FNIP1: variants seen among roughly 807,000 people sequenced by gnomAD.
FNIP1 encodes folliculin-interacting protein 1.
FNIP1 carries 40 observed loss-of-function variants against 124.5 expected under a neutral mutation model. The observed-to-expected ratio is 0.32, with a 90% confidence interval of 0.25 to 0.42. The LOEUF (loss-of-function observed/expected upper bound fraction) is 0.42, where lower values mean the gene tolerates loss of function less well. FNIP1 is among the 10% of genes least tolerant of loss of function. The probability of loss-of-function intolerance (pLI) is 1.00; values close to 1 mark genes in which losing one functional copy is unlikely to be tolerated. For synonymous variants in FNIP1, 472 were observed against 470.6 expected, an observed-to-expected ratio of 1.00 and a Z score of -0.04; for missense variants, 1,176 against 1,403.7, an observed-to-expected ratio of 0.84 and a Z score of 2.59.
chr5:131,775,699 T>C lies in FNIP1; in HGVS notation c.92+21131A>G, dbSNP rs913525777. On this transcript the variant is annotated intron_variant, in intron 1 of 17. Coordinates refer to ENST00000510461, the MANE Select transcript of FNIP1 (RefSeq NM_133372.3). ...TCCGCCACCACGTCCGGCTAATTTT[T>C]GTATTTTTAGTAGAGACGGGGTTTC... 1.5e-4 allele frequency among the ~76,000 whole-genome samples: 23 copies of C among 151,928 alleles called. 1 individual carries two copies. The highest frequency in any genetic ancestry group is 1.8e-4 in the Non-Finnish European group (12 of 67,948).
chr5:131,793,592 T>C (rs1000410479), intron 1 of FNIP1, among the ~76,000 whole-genome samples: 1 of 152,160 alleles, frequency 6.6e-6, no homozygotes, highest in African/African-American at 2.4e-5. Flanking sequence ...GTAAGAGACC[T>C]TAGAGTGAAG....
At chr5:131,652,678 G>A (rs1767075811) in intron 15 of FNIP1, among the ~76,000 whole-genome samples, 1 of 152,136 alleles carries the variant, frequency 6.6e-6, no homozygotes, top group Non-Finnish European at 1.5e-5. Flanking sequence ...GGACAGGACA[G>A]GACAGATGAC....
chr5:131,653,352 A>G lies in FNIP1; in HGVS notation c.3109-1353T>C, dbSNP rs373370124. Among the ~76,000 whole-genome samples the G allele has an allele frequency of 9.2e-5, 14 of 152,276 alleles. 1 individual carries two copies. The East Asian group carries it at 1.7e-3, about 19-fold the overall frequency. ...CAGGAGTTTGAGACCAACCTGGCCAATATGGTGAAACCCCAACTCTACTAA... is the reference window on the plus strand; with the variant it reads ...CAGGAGTTTGAGACCAACCTGGCCAGTATGGTGAAACCCCAACTCTACTAA... On this transcript the variant is annotated intron_variant, in intron 15 of 17. Transcript: ENST00000510461.
At chr5:131,654,455 C>T (rs1012195475) in intron 15 of FNIP1, among the ~76,000 whole-genome samples, 2 of 152,210 alleles carry the variant, frequency 1.3e-5, no homozygotes, top group Admixed American at 1.3e-4. Context: ...CCAGGTTTGG[C>T]ATCCTCAAAT....
At chr5:131,647,445 C>G (rs1766920904) in intron 16 of FNIP1, among the ~76,000 whole-genome samples, 1 of 145,096 alleles carries the variant, frequency 6.9e-6, no homozygotes, top group Non-Finnish European at 1.5e-5. Flanking sequence ...TGCAAAAATA[C>G]ACATACAATT....
In FNIP1 at chr5:131,733,277, G is replaced by C. The variant is rs149184243; in HGVS notation, c.220-2239C>G. On this transcript the variant is annotated intron_variant, in intron 2 of 17. Transcript: ENST00000510461. ...TACACAATCATGTCATCTGCAAACA[G>C]GGACAATTTAACTTCCTCTTTTCCT... 3.2e-3 allele frequency among the ~76,000 whole-genome samples: 481 copies of C among 152,260 alleles called. 3 individuals carry two copies. The highest frequency in any genetic ancestry group is 0.011 in the African/African-American group (458 of 41,546).
chr5:131,689,717 A>G (rs1768409823), intron 11 of FNIP1, among the ~76,000 whole-genome samples: 1 of 152,216 alleles, frequency 6.6e-6, no homozygotes, highest in Non-Finnish European at 1.5e-5. Context: ...TTAACTGCTT[A>G]AAACCAGAGA....
At chr5:131,759,583 A>C (rs1365941996) in intron 1 of FNIP1, among the ~76,000 whole-genome samples, 1 of 152,198 alleles carries the variant, frequency 6.6e-6, no homozygotes, top group Non-Finnish European at 1.5e-5. Context: ...TTTTATTAAA[A>C]AGTCAAAAAA....
intron 15 of FNIP1, among the ~76,000 whole-genome samples, chr5:131,657,227 C>T (rs1313271432): frequency 1.3e-5 from 2 of 152,048 alleles, no homozygotes; most frequent in Non-Finnish European, 2.9e-5. Flanking sequence ...TGGTCTCGAA[C>T]TCCTGACCTC....
intron 15 of FNIP1, among the ~76,000 whole-genome samples, chr5:131,668,305 T>G (rs546218421): frequency 6.6e-6 from 1 of 152,320 alleles, no homozygotes; most frequent in African/African-American, 2.4e-5. Context: ...ACAGCATACT[T>G]CTAAATAACT....
intron 16 of FNIP1, among the ~76,000 whole-genome samples, chr5:131,649,547 G>A (rs1766985468): frequency 6.6e-6 from 1 of 151,954 alleles, no homozygotes; most frequent in Non-Finnish European, 1.5e-5. Context: ...TATATATTCT[G>A]AGTATCAATC....
rs1769256345 is a variant in FNIP1 at position 131,710,637 on chromosome 5, C to G, written c.647G>C (p.Arg216Thr). Residue 216 changes from arginine (R) to threonine (T), a missense_variant, in exon 7 of 18, where the codon AGG becomes ACG. This residue lies in a region of FNIP1 where 1,109 missense variants were observed against 1,288.5 expected (regional missense o/e 0.86). Coordinates refer to ENST00000510461, the MANE Select transcript of FNIP1 (RefSeq NM_133372.3). ...NIGLSQFCSPRRAFSEQGPLR... is the reference protein window; with the variant it reads ...NIGLSQFCSPTRAFSEQGPLR... ...CGGACCCTGCTCAGAGAATGCCCGC[C>G]TGGGGCTGCAGAACTGTGAAAGACC... 6.2e-7 allele frequency: 1 copy of G among 1,613,956 alleles called. No homozygotes were observed. The highest frequency in any genetic ancestry group is 8.5e-7 in the Non-Finnish European group (1 of 1,179,958).
rs1022653680 is a variant in FNIP1 at position 131,642,549 on chromosome 5, T to G, written c.*2136A>C. The G allele has an allele frequency of 6.6e-6, 1 of 150,582 alleles. No homozygotes were observed. Among genetic ancestry groups the G allele is most frequent in the East Asian group, 1.9e-4 (1 of 5,292 alleles). The allele number at this position is 150,582 out of a possible 1,614,324, so 9.3% of individuals were successfully genotyped here. ...AGGAGACACCCAGACATTATCCAAG[T>G]GCTATACAGAGCTACAATAAAAAAA... On this transcript the variant is annotated 3_prime_UTR_variant, in exon 18 of 18. Coordinates refer to ENST00000510461, the MANE Select transcript of FNIP1 (RefSeq NM_133372.3).
intron 11 of FNIP1, among the ~76,000 whole-genome samples, chr5:131,697,995 AAAAAG>A (rs368857850): frequency 3.3e-3 from 495 of 151,284 alleles, no homozygotes; most frequent in African/African-American, 0.011. Context: ...AAAAAGAAAG[AAAAAG>A]AAAAGAAAAG....
At chr5:131,673,331 C>T (rs778069832) in intron 13 of FNIP1, among the ~76,000 whole-genome samples, 56 of 151,408 alleles carry the variant, frequency 3.7e-4, no homozygotes, top group Admixed American at 6.6e-5. Context: ...GCTGGGATTA[C>T]AGGCGTGAGC....
At chr5:131,678,431 G>A (rs887307207) in intron 12 of FNIP1, among the ~76,000 whole-genome samples, 4 of 151,906 alleles carry the variant, frequency 2.6e-5, no homozygotes, top group East Asian at 1.9e-4. Context: ...TGTTTGAGAC[G>A]GAGTCTTGCT....
intron 1 of FNIP1, among the ~76,000 whole-genome samples, chr5:131,756,590 G>T (rs866237090): frequency 1.6e-4 from 25 of 152,264 alleles, no homozygotes; most frequent in African/African-American, 5.1e-4. Context: ...AGTATCCCGG[G>T]CAAGGGTGCC....
chr5:131,770,921 A>G (rs1263673275), intron 1 of FNIP1, among the ~76,000 whole-genome samples: 2 of 152,214 alleles, frequency 1.3e-5, no homozygotes, highest in African/African-American at 4.8e-5. Context: ...AATTAGAAAC[A>G]ATACAAAGAT....
At chr5:131,726,930 T>C (rs575061414) in intron 3 of FNIP1, among the ~76,000 whole-genome samples, 10 of 152,336 alleles carry the variant, frequency 6.6e-5, no homozygotes, top group African/African-American at 2.4e-4. Context: ...CCGGAGCAGG[T>C]TGTTCAGTTT....
Sources: allele counts gnomAD v4.1 joint callset (sites outside exome capture counted in the v4.1 genomes callset), GRCh38; gene constraint gnomAD v4.1.1; regional missense constraint gnomAD v4.1.1; transcripts MANE v1.5; gene names NCBI Gene and HGNC (gene_info 2026-07-23, HGNC 2026-07-21).